CNP: variants seen among roughly 807,000 people sequenced by gnomAD.
CNP encodes the protein 2',3'-cyclic-nucleotide 3'-phosphodiesterase.
In CNP, 8 loss-of-function variants were observed where a neutral mutation model predicts 37.9. The observed-to-expected ratio is 0.21, with a 90% CI of 0.12 to 0.38. The LOEUF is 0.38. Ranked by LOEUF, CNP falls within the 10% of genes least tolerant of loss-of-function variation. The probability of loss-of-function intolerance (pLI) is 1.00; values close to 1 mark genes in which losing one functional copy is unlikely to be tolerated. For synonymous variants in CNP, 237 were observed against 238.3 expected, an observed-to-expected ratio of 0.99 and a Z score of 0.05; for missense variants, 457 against 551.0, an observed-to-expected ratio of 0.83 and a Z score of 1.71.
At chr17:41,967,420 C>T (rs1555643098) in intron 1 of CNP, 1 of 153,446 alleles carries the variant, frequency 6.5e-6, no homozygotes. Flanking sequence ...GAGCTGGATC[C>T]TAATTGCAGG....
At chr17:41,971,188 CTG>C (rs1555643735) in intron 2 of CNP, 1 of 152,246 alleles carries the variant, frequency 6.6e-6, no homozygotes, top group Admixed American at 6.5e-5. Flanking sequence ...GAGATATTCA[CTG>C]TGTTCTGGCT....
At chr17:41,967,140 T>G in intron 1 of CNP, 4 of 365,334 alleles carry the variant, frequency 1.1e-5, no homozygotes, top group Admixed American at 4.8e-5. Context: ...GCTGCGCCTC[T>G]GGGAGCCTGG....
rs1439331263 is a variant in CNP at position 41,977,277 on chromosome 17, G to A, written c.*3353G>A. ...CCCACCTACCTTCAAAGCTGAAGCCGCCAGGACCGCCAAAGAATGCCTTGA... is the reference window on the plus strand; with the variant it reads ...CCCACCTACCTTCAAAGCTGAAGCCACCAGGACCGCCAAAGAATGCCTTGA... On this transcript the variant is annotated 3_prime_UTR_variant, in exon 4 of 4. Transcript: ENST00000393892. The A allele has an allele frequency of 6.3e-6, 10 of 1,582,778 alleles. No homozygotes were observed. Among genetic ancestry groups the A allele is most frequent in the South Asian group, 1.2e-5 (1 of 86,176 alleles).
rs563700273 is a variant in CNP at position 41,973,067 on chromosome 17, G to A, written c.817-408G>A. Among the ~76,000 whole-genome samples, 52 of 152,320 alleles carry A rather than the reference G, an allele frequency of 3.4e-4. 2 individuals are homozygous for A. In the South Asian group the frequency reaches 7.5e-3, roughly 22 times the overall value. ...CAACAGTAGCAGCTGTTGTGTGCGC[G>A]GACACCCCTGTGGGCTGTTTACCTA... On this transcript the variant is annotated intron_variant, in intron 3 of 3. Transcript: ENST00000393892.
intron 1 of CNP, 116 bp downstream of exon 1, chr17:41,967,003 C>G: frequency 8.4e-7 from 1 of 1,188,384 alleles, no homozygotes; most frequent in Non-Finnish European, 1.1e-6. Flanking sequence ...GTTCGACTTC[C>G]AGTTTTCTTG....
rs2051042722 is a variant in CNP at position 41,974,452 on chromosome 17, G to C, written c.*528G>C. 6.5e-6 allele frequency: 1 copy of C among 152,734 alleles called. No individual in the cohort carries two copies. The highest frequency in any genetic ancestry group is 2.1e-4 in the South Asian group (1 of 4,856). The allele number at this position is 152,734 out of a possible 1,614,324, so 9.5% of individuals were successfully genotyped here. ...TCTTTTTTCTTTGTTTTTAGAGACA[G>C]GGTCCTGCTATTTCCCAAGCTGGAG... On this transcript the variant is annotated 3_prime_UTR_variant, in exon 4 of 4. Transcript: ENST00000393892.
chr17:41,969,324 A>C (rs1327280884), intron 2 of CNP, among the ~76,000 whole-genome samples: 1 of 152,014 alleles, frequency 6.6e-6, no homozygotes, highest in Non-Finnish European at 1.5e-5. Flanking sequence ...TTAGGCCAAA[A>C]CCCGTTTTCA....
chr17:41,973,633 G>C lies in CNP; in HGVS notation c.975G>C (p.Arg325=). 3.1e-6 allele frequency: 5 copies of C among 1,614,166 alleles called. No homozygotes were observed. The highest frequency in any genetic ancestry group is 4.2e-6 in the Non-Finnish European group (5 of 1,180,042). Residue 325 remains arginine (R), a synonymous_variant, in exon 4 of 4, where the codon CGG becomes CGC. Coordinates refer to ENST00000393892, the MANE Select transcript of CNP (RefSeq NM_033133.5). ...TGTCACCCACTGACAACCTGCCGCG[G>C]GGGAGCCGCGCCCACATCACCCTCG... ...DKLSPTDNLP[R]GSRAHITLGC...
chr17:41,972,234 C>G (rs1555643944), intron 3 of CNP, among the ~76,000 whole-genome samples: 1 of 151,956 alleles, frequency 6.6e-6, no homozygotes, highest in East Asian at 1.9e-4. Context: ...GGAGCCTGCC[C>G]TGGCAGTACT....
chr17:41,973,929 T>TCTCACCACCA lies in CNP; in HGVS notation c.*8_*17dup. The TCTCACCACCA allele has an allele frequency of 6.6e-7, 1 of 1,508,402 alleles. No homozygotes were observed. The highest frequency in any genetic ancestry group is 8.9e-7 in the Non-Finnish European group (1 of 1,129,842). 93.4% of individuals were successfully genotyped at this position (1,508,402 alleles called of 1,614,324 possible). A position where few individuals can be genotyped will look rare whatever the true frequency, so the allele number is the denominator to read the frequency against. On this transcript the variant is annotated 3_prime_UTR_variant, in exon 4 of 4. Coordinates refer to ENST00000393892, the MANE Select transcript of CNP (RefSeq NM_033133.5). Reference sequence around the variant, plus strand: ...CAGTCCTGCACCATCATATGAGTGTTCTCACCACCACTTATGCCCCTAGAA... The same window carrying TCTCACCACCA: ...CAGTCCTGCACCATCATATGAGTGTTCTCACCACCACTCACCACCACTTATGCCCCTAGAA...
Position 41,974,043 on chromosome 17 carries a change from T to A in CNP, c.*119T>A. The stretch of plus-strand genomic sequence containing the variant: ...TTTTTTTACTCAAAGTTAACCTACC[T>A]GTAACTTTTTAAAAACTTGTAAAAT... On this transcript the variant is annotated 3_prime_UTR_variant, in exon 4 of 4. Transcript: ENST00000393892. The A allele has an allele frequency of 1.1e-6, 1 of 911,368 alleles. No individual in the cohort carries two copies. Among genetic ancestry groups the A allele is most frequent in the Non-Finnish European group, 1.5e-6 (1 of 662,686 alleles). 56.5% of individuals were successfully genotyped at this position (911,368 alleles called of 1,614,324 possible).
At position 41,977,484 on chromosome 17, in the gene CNP, C is replaced by T. The variant is rs2051120791; in HGVS notation, c.*3560C>T. On this transcript the variant is annotated 3_prime_UTR_variant, in exon 4 of 4. Transcript: ENST00000393892. ...CAGACTGCAAGTGAGCAAACCTGCCCCATCCCGTGCAAAACATGCTACCTG... is the reference window on the plus strand; with the variant it reads ...CAGACTGCAAGTGAGCAAACCTGCCTCATCCCGTGCAAAACATGCTACCTG... 2 of 606,178 alleles carry T rather than the reference C, an allele frequency of 3.3e-6. No individual in the cohort carries two copies. The highest frequency in any genetic ancestry group is 5.9e-5 in the Admixed American group (2 of 34,036). The allele number at this position is 606,178 out of a possible 1,614,324, so 37.5% of individuals were successfully genotyped here. A position where few individuals can be genotyped will look rare whatever the true frequency, so the allele number is the denominator to read the frequency against.
At chr17:41,967,946 G>C in intron 1 of CNP, 122 bp from the exon 2 acceptor site, 4 of 1,498,026 alleles carry the variant, frequency 2.7e-6, no homozygotes, top group Non-Finnish European at 8.9e-7. Flanking sequence ...GACCGAAAGG[G>C]AAAGAAGGTC....
intron 3 of CNP, among the ~76,000 whole-genome samples, chr17:41,972,280 C>T (rs2051001825): frequency 6.6e-6 from 1 of 152,110 alleles, no homozygotes; most frequent in South Asian, 2.1e-4. Flanking sequence ...CAAGCACCTT[C>T]GCCTTCTGCA....
intron 1 of CNP, chr17:41,967,864 C>T (rs906599636): frequency 2.1e-6 from 3 of 1,405,920 alleles, no homozygotes; most frequent in East Asian, 5.1e-5. Flanking sequence ...ATGGGGAAAG[C>T]GCACGCTTAG....
At position 41,974,375 on chromosome 17, in the gene CNP, AGTG is replaced by A. The variant is rs2051041744; in HGVS notation, c.*456_*458del. ...TAGTTTTCCATGGTCACAGAGAACT[AGTG>A]GTGGCTCTGAGAAGGGGAGGACCTC... On this transcript the variant is annotated 3_prime_UTR_variant, in exon 4 of 4. Coordinates refer to ENST00000393892, the MANE Select transcript of CNP (RefSeq NM_033133.5). 6.5e-6 allele frequency: 1 copy of A among 154,012 alleles called. No individual in the cohort carries two copies. The highest frequency in any genetic ancestry group is 1.9e-4 in the East Asian group (1 of 5,228). The allele number at this position is 154,012 out of a possible 1,614,324, so 9.5% of individuals were successfully genotyped here. A position where few individuals can be genotyped will look rare whatever the true frequency, so the allele number is the denominator to read the frequency against.
chr17:41,973,554 G>T lies in CNP; in HGVS notation c.896G>T (p.Arg299Leu), dbSNP rs199688240. 13 of 1,614,238 alleles carry T rather than the reference G, an allele frequency of 8.1e-6. No homozygotes were observed. Among genetic ancestry groups the T allele is most frequent in the Admixed American group, 1.7e-5 (1 of 60,032 alleles). Reference protein sequence around the residue: ...LFVTPKTTGARVELSEQQLQL... With the variant: ...LFVTPKTTGALVELSEQQLQL... ...GTGACACCCAAGACGACTGGGGCCCGGGTGGAGTTAAGCGAGCAGCAACTG... is the reference window on the plus strand; with the variant it reads ...GTGACACCCAAGACGACTGGGGCCCTGGTGGAGTTAAGCGAGCAGCAACTG... Residue 299 changes from arginine (R) to leucine (L), a missense_variant, in exon 4 of 4, where the codon CGG becomes CTG. Physicochemically the swap from Arg to Leu is moderately radical, Grantham distance 102. Coordinates refer to ENST00000393892, the MANE Select transcript of CNP (RefSeq NM_033133.5).
In CNP at chr17:41,968,425, C is replaced by G; in HGVS notation, c.361C>G (p.Leu121Val). 2 of 1,614,172 alleles carry G rather than the reference C, an allele frequency of 1.2e-6. No homozygotes were observed. Among genetic ancestry groups the G allele is most frequent in the Non-Finnish European group, 1.7e-6 (2 of 1,180,036 alleles). Residue 121 changes from leucine to valine, a missense_variant, in exon 2 of 4, where the codon CTT becomes GTT. Physicochemically the swap from Leu to Val is conservative, Grantham distance 32. Transcript: ENST00000393892. This position sits in a 1 kb window ranked among gnomAD's most constrained non-coding sequence, Gnocchi z 4.8. ...CRRRDIRILV[L>V]DDTNHERERL... Reference sequence around the variant, plus strand: ...CCGCCGGGACATCAGAATTCTTGTGCTTGATGACACCAACCACGAACGGGA... The same window carrying G: ...CCGCCGGGACATCAGAATTCTTGTGGTTGATGACACCAACCACGAACGGGA...
At chr17:41,971,547 G>A (rs537048446) in intron 2 of CNP, 27 of 183,110 alleles carry the variant, frequency 1.5e-4, no homozygotes, top group African/African-American at 6.2e-4. Flanking sequence ...ACAGGCGCCC[G>A]CCACCACGCC....
Sources: allele counts gnomAD v4.1 joint callset (sites outside exome capture counted in the v4.1 genomes callset), GRCh38; gene constraint gnomAD v4.1.1; non-coding constraint Gnocchi (gnomAD v3.1); transcripts MANE v1.5; gene names NCBI Gene and HGNC (gene_info 2026-07-23, HGNC 2026-07-21).